The following MIPOL1 variants were observed in gnomAD, a reference collection of about 807,000 sequenced individuals.
The protein encoded by MIPOL1 is mirror-image polydactyly gene 1 protein.
MIPOL1 carries 57 observed loss-of-function variants against 60.9 expected under a neutral mutation model. The ratio of observed to expected loss-of-function variants is 0.94; its 90% CI spans 0.76 to 1.17. The LOEUF (loss-of-function observed/expected upper bound fraction) is 1.17, where lower values mean the gene tolerates loss of function less well. MIPOL1 is among the 50% of genes most tolerant of loss of function. MIPOL1 has a pLI of 0.00. For synonymous variants in MIPOL1, 179 were observed against 168.8 expected, an observed-to-expected ratio of 1.06 and a Z score of -0.47; for missense variants, 551 against 511.6, an observed-to-expected ratio of 1.08 and a Z score of -0.74.
chr14:37,234,657 G>C (rs1412221734), intron 1 of MIPOL1, among the ~76,000 whole-genome samples: 1 of 151,866 alleles, frequency 6.6e-6, no homozygotes, highest in Non-Finnish European at 1.5e-5. Flanking sequence ...TTTAATTCCT[G>C]ACAGTTGCTT....
At chr14:37,375,186 C>A (rs1433003665) in intron 10 of MIPOL1, among the ~76,000 whole-genome samples, 1 of 151,710 alleles carries the variant, frequency 6.6e-6, no homozygotes, top group Non-Finnish European at 1.5e-5. Flanking sequence ...GTCTGTCTAC[C>A]CTTTTTAATA....
chr14:37,254,826 ATTTC>A (rs1567166156), intron 3 of MIPOL1, among the ~76,000 whole-genome samples: 28 of 151,786 alleles, frequency 1.8e-4, no homozygotes, highest in Middle Eastern at 3.4e-3. Context: ...AAAATGGTAA[ATTTC>A]CCTTTTAATA....
At chr14:37,449,246 A>T (rs1241525100) in intron 11 of MIPOL1, among the ~76,000 whole-genome samples, 2 of 149,908 alleles carry the variant, frequency 1.3e-5, no homozygotes. Flanking sequence ...TATTACCATT[A>T]AAAAAAAATG....
chr14:37,425,205 G>T (rs188088555), intron 11 of MIPOL1, among the ~76,000 whole-genome samples: 44 of 152,282 alleles, frequency 2.9e-4, no homozygotes, highest in African/African-American at 8.9e-4. Flanking sequence ...TGTTGATGAA[G>T]TGACAGTGTC....
Position 37,295,375 on chromosome 14 carries a change from G to A in MIPOL1, c.623+9928G>A, listed in dbSNP as rs540710308. 7.2e-5 allele frequency among the ~76,000 whole-genome samples: 11 copies of A among 152,236 alleles called. No individual in the cohort carries two copies. In the South Asian group the frequency reaches 2.3e-3, roughly 32 times the overall value. On this transcript the variant is annotated intron_variant, in intron 7 of 12. Transcript: ENST00000684589. ...ATGCCAAATTGTAAAGACCATCAAG[G>A]CTAGGAAGAAACTGCATCAACTAAT...
chr14:37,246,551 C>CA (rs1380551368), intron 1 of MIPOL1, among the ~76,000 whole-genome samples: 1 of 152,120 alleles, frequency 6.6e-6, no homozygotes, highest in Admixed American at 6.5e-5. Flanking sequence ...CATTTTACTA[C>CA]ATCAGTCTTA....
chr14:37,232,050 C>T (rs1873710629), intron 1 of MIPOL1, among the ~76,000 whole-genome samples: 1 of 151,852 alleles, frequency 6.6e-6, no homozygotes, highest in South Asian at 2.1e-4. Flanking sequence ...CCACTGCACT[C>T]CAGCCTGGAT....
intron 11 of MIPOL1, among the ~76,000 whole-genome samples, chr14:37,490,165 T>C (rs187927808): frequency 6.6e-6 from 1 of 152,258 alleles, no homozygotes; most frequent in East Asian, 1.9e-4. Flanking sequence ...AGGAAGACTC[T>C]AGAGAGGCAG....
chr14:37,276,476 C>A (rs975067458), intron 6 of MIPOL1: 2 of 150,802 alleles, frequency 1.3e-5, no homozygotes, highest in African/African-American at 4.8e-5. Context: ...TATCAAGACA[C>A]CCCAGTGGAT....
intron 12 of MIPOL1, among the ~76,000 whole-genome samples, chr14:37,526,382 T>C (rs1001617327): frequency 8.7e-5 from 13 of 149,606 alleles, no homozygotes; most frequent in Non-Finnish European, 1.9e-4. Context: ...TTTTTTTTTT[T>C]TTTTTGAGAC....
intron 12 of MIPOL1, among the ~76,000 whole-genome samples, chr14:37,542,118 G>T (rs2095532045): frequency 6.6e-6 from 1 of 152,038 alleles, no homozygotes; most frequent in African/African-American, 2.4e-5. Flanking sequence ...CTCAAAAAAG[G>T]TTATCACTTC....
At chr14:37,449,029 T>G (rs1488484545) in intron 11 of MIPOL1, among the ~76,000 whole-genome samples, 1 of 152,210 alleles carries the variant, frequency 6.6e-6, no homozygotes. Context: ...AGAACTACCT[T>G]AAAATAATTT....
intron 11 of MIPOL1, among the ~76,000 whole-genome samples, chr14:37,431,596 T>TTTTTG (rs2094069112): frequency 7.1e-6 from 1 of 140,972 alleles, no homozygotes; most frequent in African/African-American, 2.7e-5. Flanking sequence ...TTTTTTTTTT[T>TTTTTG]GAGACAGAGT....
At chr14:37,261,376 A>G (rs2082509929) in intron 3 of MIPOL1, among the ~76,000 whole-genome samples, 1 of 152,048 alleles carries the variant, frequency 6.6e-6, no homozygotes, top group Non-Finnish European at 1.5e-5. Flanking sequence ...AGAAAAAGTA[A>G]ATGTTTAGAT....
intron 11 of MIPOL1, among the ~76,000 whole-genome samples, chr14:37,494,865 C>G (rs951672560): frequency 2.0e-5 from 3 of 152,128 alleles, no homozygotes; most frequent in African/African-American, 2.4e-5. Context: ...CTTGGGAAAG[C>G]CTTGATGGTA....
chr14:37,550,229 C>T lies in MIPOL1; in HGVS notation c.*3258C>T, dbSNP rs1422627900. The T allele has an allele frequency of 6.6e-6, 1 of 150,580 alleles. No homozygotes were observed. Among genetic ancestry groups the T allele is most frequent in the Non-Finnish European group, 1.5e-5 (1 of 67,564 alleles). 9.3% of individuals were successfully genotyped at this position (150,580 alleles called of 1,614,324 possible). A position where few individuals can be genotyped will look rare whatever the true frequency, so the allele number is the denominator to read the frequency against. On this transcript the variant is annotated 3_prime_UTR_variant, in exon 13 of 13. Coordinates refer to ENST00000684589, the MANE Select transcript of MIPOL1 (RefSeq NM_001388067.1). The stretch of plus-strand genomic sequence containing the variant: ...ATAATTTGTTTATTTTATTAAAAAT[C>T]TAGAATATTAAAGATTTATACTTTT...
At chr14:37,411,247 C>T (rs561567094) in intron 10 of MIPOL1, among the ~76,000 whole-genome samples, 12 of 152,022 alleles carry the variant, frequency 7.9e-5, no homozygotes, top group African/African-American at 2.4e-4. Context: ...GTCATGTCTC[C>T]CTGACAGAAT....
At chr14:37,361,615 T>C (rs1219965206) in intron 9 of MIPOL1, among the ~76,000 whole-genome samples, 24 of 46,338 alleles carry the variant, frequency 5.2e-4, no homozygotes, top group South Asian at 2.7e-3. Context: ...TCTCTCTTTT[T>C]TTTTTTTTTT....
chr14:37,549,157 C>G lies in MIPOL1; in HGVS notation c.*2186C>G, dbSNP rs1351557143. 6.6e-6 allele frequency: 1 copy of G among 151,830 alleles called. No individual in the cohort carries two copies. The highest frequency in any genetic ancestry group is 2.4e-5 in the African/African-American group (1 of 41,386). 9.4% of individuals were successfully genotyped at this position (151,830 alleles called of 1,614,324 possible). A position where few individuals can be genotyped will look rare whatever the true frequency, so the allele number is the denominator to read the frequency against. On this transcript the variant is annotated 3_prime_UTR_variant, in exon 13 of 13. Transcript: ENST00000684589. ...GAAGATAGGTTCTCTATGTATTCAA[C>G]AATAATGCAACTTTAGAAGTATTCC...
Sources: gnomAD v4.1 joint callset for allele counts (sites outside exome capture counted in the v4.1 genomes callset) on GRCh38, gnomAD v4.1.1 for gene constraint, MANE v1.5 for transcripts, NCBI Gene and HGNC (gene_info 2026-07-23, HGNC 2026-07-21) for gene names.